Variants in ATP6V1C1 observed in about 807,000 individuals in gnomAD.
ATP6V1C1 encodes the protein ATPase H+ transporting V1 subunit C1.
In ATP6V1C1, 45 loss-of-function variants were observed where a neutral mutation model predicts 53.9. The observed-to-expected ratio is 0.83, with a 90% CI of 0.66 to 1.07. ATP6V1C1 has a LOEUF of 1.07. Ranked by LOEUF, ATP6V1C1 falls within the 50% of genes least tolerant of loss-of-function variation. The pLI is 0.00. For synonymous variants in ATP6V1C1, 153 were observed against 155.2 expected, an observed-to-expected ratio of 0.99 and a Z score of 0.11; for missense variants, 315 against 440.3, an observed-to-expected ratio of 0.72 and a Z score of 2.55.
At chr8:103,060,530 T>G (rs1210333530) in intron 8 of ATP6V1C1, among the ~76,000 whole-genome samples, 1 of 152,244 alleles carries the variant, frequency 6.6e-6, no homozygotes, top group Non-Finnish European at 1.5e-5. Flanking sequence ...TTTCCTTTAC[T>G]AAACCCATAC....
At chr8:103,065,467 C>T (rs903130495) in intron 11 of ATP6V1C1, among the ~76,000 whole-genome samples, 2 of 152,138 alleles carry the variant, frequency 1.3e-5, no homozygotes, top group African/African-American at 4.8e-5. Flanking sequence ...GGCAGAGAAT[C>T]ACTTGAACCC....
At chr8:103,063,851 A>G (rs1395910921) in intron 10 of ATP6V1C1, among the ~76,000 whole-genome samples, 1 of 152,204 alleles carries the variant, frequency 6.6e-6, no homozygotes, top group Non-Finnish European at 1.5e-5. Flanking sequence ...GTTTCTCTTA[A>G]TAATGTAAGA....
At chr8:103,050,537 A>AT (rs1433048231) in intron 4 of ATP6V1C1, among the ~76,000 whole-genome samples, 2 of 152,120 alleles carry the variant, frequency 1.3e-5, no homozygotes, top group Non-Finnish European at 1.5e-5. Flanking sequence ...GTTGTTGAGT[A>AT]TTTTTTTAGC....
chr8:103,052,671 T>G, intron 5 of ATP6V1C1, 60 bp from the exon 6 acceptor site: 1 of 970,620 alleles, frequency 1.0e-6, no homozygotes, highest in Non-Finnish European at 1.5e-6. Flanking sequence ...ACTTTGATAG[T>G]ATTAGTAGAG....
intron 1 of ATP6V1C1, among the ~76,000 whole-genome samples, chr8:103,029,515 G>A (rs1016583005): frequency 5.3e-5 from 8 of 151,898 alleles, no homozygotes; most frequent in South Asian, 4.1e-4. Flanking sequence ...TGATCCACCC[G>A]CCTCAGCCTC....
chr8:103,042,090 T>C (rs569307332), intron 2 of ATP6V1C1, among the ~76,000 whole-genome samples: 1 of 152,278 alleles, frequency 6.6e-6, no homozygotes, highest in South Asian at 2.1e-4. Context: ...CATTGAATAG[T>C]ACAAGCACAG....
chr8:103,023,567 ATTTG>A (rs1816637554), intron 1 of ATP6V1C1, among the ~76,000 whole-genome samples: 1 of 152,154 alleles, frequency 6.6e-6, no homozygotes, highest in Admixed American at 6.5e-5. Context: ...TTTTGCAAAA[ATTTG>A]TTTTGGCTTT....
chr8:103,041,069 A>AT, intron 2 of ATP6V1C1, 101 bp downstream of exon 2: 1 of 1,305,094 alleles, frequency 7.7e-7, no homozygotes, highest in South Asian at 1.9e-5. Context: ...CTTCCAAAGA[A>AT]AACCTCCTCT....
chr8:103,054,897 A>G (rs1414396493), intron 7 of ATP6V1C1, among the ~76,000 whole-genome samples: 1 of 152,160 alleles, frequency 6.6e-6, no homozygotes, highest in Non-Finnish European at 1.5e-5. Flanking sequence ...TTGGAGTACT[A>G]GAAAATGATG....
At chr8:103,065,473 A>G (rs1218198798) in intron 11 of ATP6V1C1, among the ~76,000 whole-genome samples, 1 of 152,178 alleles carries the variant, frequency 6.6e-6, no homozygotes, top group Non-Finnish European at 1.5e-5. Flanking sequence ...GAATCACTTG[A>G]ACCCAGGAGG....
At chr8:103,067,598 CTTTTTTT>C (rs764474136) in intron 12 of ATP6V1C1, among the ~76,000 whole-genome samples, 4 of 114,980 alleles carry the variant, frequency 3.5e-5, no homozygotes, top group Admixed American at 8.8e-5. Flanking sequence ...TTTTCTTTTT[CTTTTTTT>C]TTTTTTTTTT....
At chr8:103,036,779 G>A (rs73699554) in intron 1 of ATP6V1C1, among the ~76,000 whole-genome samples, 9,771 of 152,156 alleles carry the variant, frequency 0.064, 1,028 homozygotes, top group African/African-American at 0.22. Context: ...GTAATAGCTT[G>A]TATTATTACA....
At chr8:103,024,973 A>G (rs895542763) in intron 1 of ATP6V1C1, among the ~76,000 whole-genome samples, 1 of 152,182 alleles carries the variant, frequency 6.6e-6, no homozygotes, top group East Asian at 1.9e-4. Context: ...TGAGCCAGGT[A>G]GGCAGTGGAG....
intron 1 of ATP6V1C1, among the ~76,000 whole-genome samples, chr8:103,034,751 A>G (rs1007733009): frequency 1.3e-5 from 2 of 151,578 alleles, no homozygotes; most frequent in African/African-American, 4.9e-5. Context: ...TTGTATTTTT[A>G]GTAAAGACAT....
chr8:103,055,571 G>T (rs943603553), intron 7 of ATP6V1C1, among the ~76,000 whole-genome samples: 1 of 152,114 alleles, frequency 6.6e-6, no homozygotes, highest in Non-Finnish European at 1.5e-5. Flanking sequence ...GAACTATGCA[G>T]CTTGAAAACA....
chr8:103,039,953 C>A (rs1816967189), intron 1 of ATP6V1C1, among the ~76,000 whole-genome samples: 1 of 151,302 alleles, frequency 6.6e-6, no homozygotes, highest in Non-Finnish European at 1.5e-5. Context: ...GTCTATGCAT[C>A]AAAGATTTGA....
chr8:103,067,291 C>G (rs574522391), intron 12 of ATP6V1C1, among the ~76,000 whole-genome samples: 2 of 149,908 alleles, frequency 1.3e-5, no homozygotes, highest in African/African-American at 2.5e-5. Context: ...CCCAGCTACT[C>G]GGGAGCCTGA....
At chr8:103,027,755 A>T (rs1512353) in intron 1 of ATP6V1C1, among the ~76,000 whole-genome samples, 5,186 of 151,310 alleles carry the variant, frequency 0.034, 95 homozygotes, top group East Asian at 0.047. Context: ...AGAAGTGCCT[A>T]CAGAATTGAC....
At position 103,040,177 on chromosome 8, in the gene ATP6V1C1, G is replaced by C. The variant is rs1325201891; in HGVS notation, c.-39-621G>C. Among the ~76,000 whole-genome samples, 5 of 151,872 alleles carry C rather than the reference G, an allele frequency of 3.3e-5. No homozygotes were observed. The East Asian group carries it at 5.8e-4, about 18-fold the overall frequency. ...TGTATGCTTTAAAAGTTTGAGATAG[G>C]TTGGGTGTGGTGGATCACTTGAGGC... On this transcript the variant is annotated intron_variant, in intron 1 of 12. Coordinates refer to ENST00000518738, the MANE Select transcript of ATP6V1C1 (RefSeq NM_001695.5).
Sources: gnomAD v4.1 joint callset for allele counts (sites outside exome capture counted in the v4.1 genomes callset) on GRCh38, gnomAD v4.1.1 for gene constraint, MANE v1.5 for transcripts, NCBI Gene and HGNC (gene_info 2026-07-23, HGNC 2026-07-21) for gene names.